ACO1: variants seen among roughly 807,000 people sequenced by gnomAD.
The protein encoded by ACO1 is cytoplasmic aconitate hydratase.
Under a neutral mutation model 105.1 loss-of-function variants are expected in ACO1, and 78 were observed. The ratio of observed to expected loss-of-function variants is 0.74; its 90% CI spans 0.62 to 0.90. The LOEUF (loss-of-function observed/expected upper bound fraction) is 0.90, where lower values mean the gene tolerates loss of function less well. ACO1 is among the 40% of genes least tolerant of loss of function. The pLI is 0.00. For synonymous variants in ACO1, 364 were observed against 397.4 expected (o/e 0.92, Z 1.00); for missense variants, 965 against 1,111.1 (o/e 0.87, Z 1.87).
chr9:32,387,016 A>G (rs145711679), intron 1 of ACO1, among the ~76,000 whole-genome samples: 17 of 152,306 alleles, frequency 1.1e-4, no homozygotes, highest in African/African-American at 2.4e-4. Context: ...GTGTGCTTCA[A>G]AGGCATGTGC....
At position 32,396,364 on chromosome 9, in the gene ACO1, A is replaced by G. The variant is rs117521509; in HGVS notation, c.-22-9121A>G. The stretch of plus-strand genomic sequence containing the variant: ...CTCACAGTAGGGACTTTGATAAACT[A>G]CAAACACCTAGCTGTACACCTGGCT... On this transcript the variant is annotated intron_variant, in intron 1 of 20. Coordinates refer to ENST00000309951, the MANE Select transcript of ACO1 (RefSeq NM_002197.3). 3.3e-4 allele frequency among the ~76,000 whole-genome samples: 51 copies of G among 152,272 alleles called. No homozygotes were observed. The East Asian group carries it at 9.6e-3, about 29-fold the overall frequency.
intron 1 of ACO1, among the ~76,000 whole-genome samples, chr9:32,394,986 G>C (rs1321630985): frequency 2.0e-5 from 3 of 152,194 alleles, no homozygotes; most frequent in Non-Finnish European, 4.4e-5. Flanking sequence ...ATCTCTTGTG[G>C]TGATGGCCTT....
intron 4 of ACO1, among the ~76,000 whole-genome samples, chr9:32,414,880 A>G (rs1386812197): frequency 6.6e-6 from 1 of 152,178 alleles, no homozygotes; most frequent in African/African-American, 2.4e-5. Flanking sequence ...GAAACAGATT[A>G]TAGTTTAGAA....
chr9:32,423,393 C>A lies in ACO1; in HGVS notation c.1045C>A (p.Pro349Thr). ...AVGMFRDFNDPSQDPDFTQVV... is the reference protein window; with the variant it reads ...AVGMFRDFNDTSQDPDFTQVV... Reference sequence around the variant, plus strand: ...AGGAATGTTTCGAGATTTCAATGACCCTTCTCAAGACCCAGACTTCACCCA... The same window carrying A: ...AGGAATGTTTCGAGATTTCAATGACACTTCTCAAGACCCAGACTTCACCCA... The change falls in exon 9 of 21, where the codon CCT becomes ACT. Residue 349 changes from proline (P) to threonine (T), a missense_variant. Transcript: ENST00000309951. 2 of 1,600,492 alleles carry A rather than the reference C, an allele frequency of 1.2e-6. No individual in the cohort carries two copies. The highest frequency in any genetic ancestry group is 1.7e-6 in the Non-Finnish European group (2 of 1,174,616).
Position 32,451,742 on chromosome 9 carries a change from C to A in ACO1, c.*1631C>A, listed in dbSNP as rs1822770766. 1 of 152,160 alleles carries A rather than the reference C, an allele frequency of 6.6e-6. No individual in the cohort carries two copies. The highest frequency in any genetic ancestry group is 2.4e-5 in the African/African-American group (1 of 41,438). 9.4% of individuals were successfully genotyped at this position (152,160 alleles called of 1,614,324 possible). On this transcript the variant is annotated 3_prime_UTR_variant, in exon 21 of 21. Transcript: ENST00000309951. ...TCCCTGCACTTGCGGTCCTGGGGATCTTATTTATATTCATTTAAAAAATAA... is the reference window on the plus strand; with the variant it reads ...TCCCTGCACTTGCGGTCCTGGGGATATTATTTATATTCATTTAAAAAATAA...
At chr9:32,418,081 A>G (rs1563936847) in intron 4 of ACO1, 47 bp from the exon 5 acceptor site, 1 of 1,565,824 alleles carries the variant, frequency 6.4e-7, no homozygotes, top group East Asian at 2.2e-5. Context: ...TTGACCACTA[A>G]TATGTTAAGT....
intron 12 of ACO1, among the ~76,000 whole-genome samples, chr9:32,427,989 G>C (rs1478845837): frequency 1.3e-5 from 2 of 151,804 alleles, no homozygotes; most frequent in Non-Finnish European, 2.9e-5. Context: ...TAAAAACCAA[G>C]ACAGGCTGGA....
In ACO1 at chr9:32,398,595, G is replaced by A. The variant is rs138364539; in HGVS notation, c.-22-6890G>A. ...TTTCTTTGTTTTTTTTTGTTTGTTT[G>A]TTTTGTTTTGTTTTTTGAGACAGAG... On this transcript the variant is annotated intron_variant, in intron 1 of 20. Transcript: ENST00000309951. 3.6e-4 allele frequency among the ~76,000 whole-genome samples: 46 copies of A among 128,380 alleles called. No homozygotes were observed. The East Asian group carries it at 4.1e-3, about 11-fold the overall frequency. The allele number at this position is 128,380 out of a possible 152,430, so 84.2% of individuals were successfully genotyped here. A position where few individuals can be genotyped will look rare whatever the true frequency, so the allele number is the denominator to read the frequency against.
intron 14 of ACO1, 131 bp from the exon 15 acceptor site, chr9:32,431,588 C>T: frequency 1.5e-5 from 14 of 951,622 alleles, no homozygotes; most frequent in East Asian, 5.3e-5. Context: ...GCAGTGATTC[C>T]GTATCCAGTC....
Position 32,408,527 on chromosome 9 carries a change from G to A in ACO1, c.280G>A (p.Val94Met). ...ILQDFTGVPA[V>M]VDFAAMRDAV... ...TTCTTCTCTTAGGGGTGTGCCCGCTGTGGTTGACTTTGCTGCAATGCGTGA... is the reference window on the plus strand; with the variant it reads ...TTCTTCTCTTAGGGGTGTGCCCGCTATGGTTGACTTTGCTGCAATGCGTGA... Residue 94 changes from valine to methionine, a missense_variant, in exon 4 of 21, where the codon GTG becomes ATG. Val to Met is a conservative substitution (Grantham distance 21). Transcript: ENST00000309951. 6.2e-7 allele frequency: 1 copy of A among 1,614,146 alleles called. No homozygotes were observed. Among genetic ancestry groups the A allele is most frequent in the Non-Finnish European group, 8.5e-7 (1 of 1,180,020 alleles).
intron 4 of ACO1, among the ~76,000 whole-genome samples, chr9:32,416,935 C>T (rs745716404): frequency 3.9e-5 from 6 of 152,170 alleles, no homozygotes; most frequent in South Asian, 2.1e-4. Flanking sequence ...AAGCTCTGAG[C>T]GCCCACAACG....
intron 1 of ACO1, among the ~76,000 whole-genome samples, chr9:32,392,753 C>T (rs952957997): frequency 3.9e-5 from 6 of 152,186 alleles, no homozygotes; most frequent in Admixed American, 2.0e-4. Context: ...TCAGGGACCC[C>T]GAACGGAGGG....
chr9:32,435,932 G>C (rs1203279084), intron 17 of ACO1: 1 of 468,462 alleles, frequency 2.1e-6, no homozygotes, highest in Admixed American at 2.7e-5. Flanking sequence ...TATCTTATAT[G>C]AAGCTTTATA....
At chr9:32,385,520 A>T (rs1821140327) in intron 1 of ACO1, among the ~76,000 whole-genome samples, 1 of 152,242 alleles carries the variant, frequency 6.6e-6, no homozygotes, top group South Asian at 2.1e-4. Flanking sequence ...TAATTCATTT[A>T]AAAAGAATAG....
intron 19 of ACO1, among the ~76,000 whole-genome samples, chr9:32,444,015 C>T (rs895561857): frequency 7.9e-5 from 12 of 151,824 alleles, no homozygotes; most frequent in African/African-American, 2.9e-4. Flanking sequence ...GTTCCCCTCC[C>T]TGTGTTCATG....
rs144354424 is a variant in ACO1, at chr9:32,384,651, A to T, written c.-107A>T. 5.1e-6 allele frequency: 2 copies of T among 388,570 alleles called. No homozygotes were observed. The highest frequency in any genetic ancestry group is 3.5e-5 in the South Asian group (2 of 57,500). 24.1% of individuals were successfully genotyped at this position (388,570 alleles called of 1,614,324 possible). ...AGAGGGGGCGGAGCGTGGAGGCGGCAGCTGGAACCGCGCAGCGCACGGGAA... is the reference window on the plus strand; with the variant it reads ...AGAGGGGGCGGAGCGTGGAGGCGGCTGCTGGAACCGCGCAGCGCACGGGAA... On this transcript the variant is annotated 5_prime_UTR_variant, in exon 1 of 21. Transcript: ENST00000309951.
chr9:32,438,743 T>C (rs1473411979), intron 18 of ACO1, among the ~76,000 whole-genome samples: 2 of 152,194 alleles, frequency 1.3e-5, no homozygotes, highest in African/African-American at 4.8e-5. Context: ...CTGGCTCAGC[T>C]GTAAATAGTA....
At chr9:32,449,910 A>C (rs1350789643) in intron 20 of ACO1, 88 bp from the exon 21 acceptor site, 3 of 1,000,442 alleles carry the variant, frequency 3.0e-6, no homozygotes, top group Non-Finnish European at 3.1e-6. Flanking sequence ...TGTGGACCAC[A>C]CCTGAGGGGC....
At position 32,450,252 on chromosome 9, in the gene ACO1, C is replaced by A; in HGVS notation, c.*141C>A. 1 of 759,552 alleles carries A rather than the reference C, an allele frequency of 1.3e-6. No homozygotes were observed. The allele number at this position is 759,552 out of a possible 1,614,324, so 47.1% of individuals were successfully genotyped here. On this transcript the variant is annotated 3_prime_UTR_variant, in exon 21 of 21. Transcript: ENST00000309951. The stretch of plus-strand genomic sequence containing the variant: ...CAAGTGAGCACTGAGGGTCTGGTGC[C>A]AATCCTGTAGGCACAAAACCAGAAG...
Sources: gnomAD v4.1 joint callset for allele counts (sites outside exome capture counted in the v4.1 genomes callset) on GRCh38, gnomAD v4.1.1 for gene constraint, MANE v1.5 for transcripts, NCBI Gene and HGNC (gene_info 2026-07-23, HGNC 2026-07-21) for gene names.